BUD31: variants seen among roughly 807,000 people sequenced by gnomAD.
BUD31 encodes the protein BUD31 spliceosome associated protein.
BUD31 carries 9 observed loss-of-function variants against 17.9 expected under a neutral mutation model. The ratio of observed to expected loss-of-function variants is 0.50; its 90% CI spans 0.30 to 0.88. The LOEUF is 0.88. Among genes scored for constraint, BUD31 ranks in the 40% least tolerant of loss-of-function variants. The pLI is 0.06. For missense variants in BUD31, 148 were observed against 184.5 expected, an observed-to-expected ratio of 0.80 and a Z score of 1.15; for synonymous variants, 70 against 64.7, an observed-to-expected ratio of 1.08 and a Z score of -0.39.
Position 99,419,242 on chromosome 7 carries a change from C to T in BUD31, c.385-149C>T, listed in dbSNP as rs571112172. ...TACCTTCATGAGGGAGCCAAATTTT[C>T]CCTGTCCAGAGCTGTCAAGGAAGGG... On this transcript the variant is annotated intron_variant, in intron 5 of 5. Coordinates refer to ENST00000222969, the MANE Select transcript of BUD31 (RefSeq NM_003910.4). 6.7e-6 allele frequency: 6 copies of T among 889,404 alleles called. No individual in the cohort carries two copies. The East Asian group carries it at 1.3e-4, about 19-fold the overall frequency. 55.1% of individuals were successfully genotyped at this position (889,404 alleles called of 1,614,324 possible).
At chr7:99,418,105 C>T (rs200333308) in intron 5 of BUD31, 52 of 484,854 alleles carry the variant, frequency 1.1e-4, no homozygotes, top group Non-Finnish European at 1.4e-4. Flanking sequence ...GTAGCTGGGA[C>T]TACAGGCATG....
At chr7:99,417,348 CG>C (rs1278664891) in intron 4 of BUD31, 80 bp from the exon 5 acceptor site, 1 of 1,463,544 alleles carries the variant, frequency 6.8e-7, no homozygotes, top group Non-Finnish European at 9.5e-7. Flanking sequence ...CCACTGCACC[CG>C]GCCTGAATGC....
At chr7:99,410,200 T>A (rs1795119942) in intron 2 of BUD31, 31 bp downstream of exon 2, 1 of 149,192 alleles carries the variant, frequency 6.7e-6, no homozygotes, top group Non-Finnish European at 1.5e-5. Context: ...TCTTTCCCTT[T>A]TTATTTTATG....
intron 4 of BUD31, among the ~76,000 whole-genome samples, chr7:99,416,490 G>A (rs927695839): frequency 7.2e-5 from 11 of 151,958 alleles, no homozygotes; most frequent in African/African-American, 2.7e-4. Context: ...CGCAATCTTG[G>A]CTCACTGCAA....
chr7:99,411,773 C>T (rs1338336504), intron 3 of BUD31: 4 of 450,192 alleles, frequency 8.9e-6, no homozygotes, highest in Admixed American at 2.4e-5. Context: ...GGCGTGATCT[C>T]GGCTCACTGC....
Position 99,415,856 on chromosome 7 carries a change from T to C in BUD31, c.95-282T>C, listed in dbSNP as rs181183671. On this transcript the variant is annotated intron_variant, in intron 3 of 5. Coordinates refer to ENST00000222969, the MANE Select transcript of BUD31 (RefSeq NM_003910.4). ...TTGTCGAGTGAGGATTATTATAATA[T>C]TGGAATAAAGAGTAATTGCTACAAA... is the stretch of plus-strand genomic sequence containing the variant. 1.5e-3 allele frequency among the ~76,000 whole-genome samples: 230 copies of C among 152,296 alleles called. 2 individuals carry two copies. Among genetic ancestry groups the C allele is most frequent in the South Asian group, 8.1e-3 (39 of 4,824 alleles).
intron 5 of BUD31, chr7:99,418,966 T>G: frequency 1.1e-5 from 2 of 180,644 alleles, no homozygotes; most frequent in Non-Finnish European, 2.3e-5. Context: ...GCCAGAAGGG[T>G]GTGACTCAAG....
chr7:99,415,149 TG>T, intron 3 of BUD31: 1 of 449,714 alleles, frequency 2.2e-6, no homozygotes. Flanking sequence ...CAGCTGAGCC[TG>T]GGAATCCCAC....
intron 3 of BUD31, chr7:99,411,393 TTTTG>T: frequency 2.0e-6 from 1 of 511,136 alleles, no homozygotes; most frequent in Non-Finnish European, 3.4e-6. Flanking sequence ...AGGTGTTTTT[TTTTG>T]TTTTTGTTTT....
intron 3 of BUD31, among the ~76,000 whole-genome samples, chr7:99,415,612 T>C (rs1795394709): frequency 6.6e-6 from 1 of 152,074 alleles, no homozygotes. Context: ...CCCGGTCTGC[T>C]AAGTAGCGGG....
At chr7:99,418,689 C>CT (rs1412204128) in intron 5 of BUD31, 7 of 152,462 alleles carry the variant, frequency 4.6e-5, no homozygotes, top group African/African-American at 1.7e-4. Context: ...CCCCCTTCCT[C>CT]TGAGTGCCCA....
At chr7:99,419,203 A>G (rs1412171286) in intron 5 of BUD31, 188 bp from the exon 6 acceptor site, 2 of 609,482 alleles carry the variant, frequency 3.3e-6, no homozygotes, top group Non-Finnish European at 5.9e-6. Flanking sequence ...CTCGGTGTCA[A>G]CAGCAGCTGG....
chr7:99,419,022 G>C (rs1795669325), intron 5 of BUD31: 2 of 273,700 alleles, frequency 7.3e-6, no homozygotes, highest in Admixed American at 4.9e-5. Context: ...TACCAGCCCA[G>C]AGGCCCCCCT....
chr7:99,418,103 G>A (rs901550634), intron 5 of BUD31: 1 of 517,726 alleles, frequency 1.9e-6, no homozygotes, highest in African/African-American at 2.1e-5. Context: ...GAGTAGCTGG[G>A]ACTACAGGCA....
At chr7:99,415,352 C>T (rs563154627) in intron 3 of BUD31, 2 of 429,788 alleles carry the variant, frequency 4.7e-6, no homozygotes, top group African/African-American at 2.1e-5. Context: ...CAGCTTATGC[C>T]ATTATTTCTG....
At chr7:99,412,204 G>A (rs1795219121) in intron 3 of BUD31, among the ~76,000 whole-genome samples, 1 of 152,150 alleles carries the variant, frequency 6.6e-6, no homozygotes, top group Admixed American at 6.6e-5. Flanking sequence ...ATTTGGATGG[G>A]CCTATTGCAG....
At chr7:99,419,326 A>G (rs2150942330) in intron 5 of BUD31, 65 bp from the exon 6 acceptor site, 1 of 1,583,904 alleles carries the variant, frequency 6.3e-7, no homozygotes, top group Non-Finnish European at 8.6e-7. Flanking sequence ...GGGTTGCCAC[A>G]TATGTGAGTG....
intron 3 of BUD31, chr7:99,411,630 T>A (rs577578783): frequency 6.9e-5 from 31 of 451,958 alleles, no homozygotes; most frequent in Non-Finnish European, 1.2e-4. Flanking sequence ...CTATGCTGTC[T>A]TTGGAAATTT....
chr7:99,415,689 T>A (rs1182496715), intron 3 of BUD31, among the ~76,000 whole-genome samples: 1 of 152,184 alleles, frequency 6.6e-6, no homozygotes, highest in Non-Finnish European at 1.5e-5. Context: ...TCTTCCCAGA[T>A]GCTGGCGTTA....
Sources: allele counts gnomAD v4.1 joint callset (sites outside exome capture counted in the v4.1 genomes callset), GRCh38; gene constraint gnomAD v4.1.1; transcripts MANE v1.5; gene names NCBI Gene and HGNC (gene_info 2026-07-23, HGNC 2026-07-21).